The following CDYL variants were observed in gnomAD, a reference collection of about 807,000 sequenced individuals.
CDYL encodes the protein chromodomain Y like.
In CDYL, 8 loss-of-function variants were observed where a neutral mutation model predicts 47.3. The observed-to-expected ratio is 0.17, with a 90% CI of 0.10 to 0.31. The LOEUF is 0.31. CDYL is among the 10% of genes least tolerant of loss of function. CDYL has a pLI of 1.00. For synonymous variants in CDYL, 266 were observed against 265.0 expected, an observed-to-expected ratio of 1.00 and a Z score of -0.04; for missense variants, 471 against 701.4, an observed-to-expected ratio of 0.67 and a Z score of 3.71.
At chr6:4,805,224 C>T (rs749029391) in intron 1 of CDYL, among the ~76,000 whole-genome samples, 6 of 152,106 alleles carry the variant, frequency 3.9e-5, no homozygotes, top group Non-Finnish European at 5.9e-5. Flanking sequence ...ACTTTTAGAA[C>T]CAAACATGGG....
rs79371427 is a variant in CDYL, at chr6:4,884,907, C to T, written c.25-6806C>T. On this transcript the variant is annotated intron_variant, in intron 1 of 6. Transcript: ENST00000397588. ...AGGAAAAGCGGTAGTCCCCGTTTAC[C>T]CTTTAAGCTTTCACTTTCCACAGTT... 6.4e-3 allele frequency among the ~76,000 whole-genome samples: 975 copies of T among 152,278 alleles called. 15 individuals carry two copies. The highest frequency in any genetic ancestry group is 0.022 in the African/African-American group (931 of 41,560).
chr6:4,895,499 A>G (rs76266699), intron 2 of CDYL, among the ~76,000 whole-genome samples: 3,413 of 142,314 alleles, frequency 0.024, 979 homozygotes, highest in African/African-American at 0.093. Flanking sequence ...ACATGTATAC[A>G]TATATACGTA....
chr6:4,800,590 C>T (rs946440181), intron 1 of CDYL, among the ~76,000 whole-genome samples: 4 of 152,052 alleles, frequency 2.6e-5, no homozygotes, highest in Admixed American at 6.6e-5. Flanking sequence ...GACTAGAGAT[C>T]TTTCTTTAGC....
At chr6:4,892,460 G>T (rs1234077568) in intron 2 of CDYL, 81 bp downstream of exon 2, 27 of 1,437,312 alleles carry the variant, frequency 1.9e-5, no homozygotes, top group Non-Finnish European at 2.5e-5. Context: ...GCCTTGAGCT[G>T]GGCAGAGTCC....
At chr6:4,938,045 A>T (rs1034264853) in intron 4 of CDYL, among the ~76,000 whole-genome samples, 2 of 152,234 alleles carry the variant, frequency 1.3e-5, no homozygotes, top group Non-Finnish European at 2.9e-5. Context: ...ATTAGAGTAG[A>T]TGATCATGGG....
At chr6:4,847,946 A>C (rs1312827494) in intron 1 of CDYL, among the ~76,000 whole-genome samples, 1 of 152,198 alleles carries the variant, frequency 6.6e-6, no homozygotes, top group Admixed American at 6.5e-5. Flanking sequence ...GGTTAGAAAA[A>C]AGATGTGCGA....
chr6:4,857,396 T>C (rs962402437), intron 1 of CDYL, among the ~76,000 whole-genome samples: 6 of 152,246 alleles, frequency 3.9e-5, no homozygotes, highest in South Asian at 2.1e-4. Context: ...TTAAGGGTAG[T>C]TGCAAATGTT....
intron 2 of CDYL, among the ~76,000 whole-genome samples, chr6:4,727,735 T>A (rs1056447019): frequency 6.6e-6 from 1 of 152,142 alleles, no homozygotes; most frequent in African/African-American, 2.4e-5. Context: ...TGGGGTGGGA[T>A]GCCACCGTGA....
intron 1 of CDYL, among the ~76,000 whole-genome samples, chr6:4,833,310 CT>C (rs1458142022): frequency 6.7e-6 from 1 of 149,584 alleles, no homozygotes; most frequent in Non-Finnish European, 1.5e-5. Context: ...ATCTTTATTT[CT>C]GCCTTCATTT....
At chr6:4,946,390 G>T (rs1758516704) in intron 5 of CDYL, among the ~76,000 whole-genome samples, 2 of 152,126 alleles carry the variant, frequency 1.3e-5, no homozygotes. Flanking sequence ...TCTGCCCCCA[G>T]TGGGGGCATT....
chr6:4,874,064 AT>A (rs2127474569), intron 1 of CDYL, among the ~76,000 whole-genome samples: 1 of 152,204 alleles, frequency 6.6e-6, no homozygotes, highest in Non-Finnish European at 1.5e-5. Context: ...GCCCTCTAAA[AT>A]TCTTCCCACT....
At chr6:4,864,074 G>T (rs1233339839) in intron 1 of CDYL, among the ~76,000 whole-genome samples, 1 of 152,162 alleles carries the variant, frequency 6.6e-6, no homozygotes, top group African/African-American at 2.4e-5. Context: ...ACTGACTATG[G>T]ATTTCCACAG....
chr6:4,838,738 G>A (rs985856954), intron 1 of CDYL, among the ~76,000 whole-genome samples: 7 of 151,982 alleles, frequency 4.6e-5, no homozygotes, highest in African/African-American at 1.7e-4. Context: ...CCAGGCTGGG[G>A]TGCAGTGGTG....
intron 3 of CDYL, among the ~76,000 whole-genome samples, chr6:4,740,098 A>T (rs1757770683): frequency 6.6e-6 from 1 of 152,236 alleles, no homozygotes; most frequent in South Asian, 2.1e-4. Context: ...TGAAATTACG[A>T]AGGAGAGTGT....
chr6:4,731,732 G>GAGGTTGCAGTGAGCCGAGATGC (rs996787003), intron 2 of CDYL, among the ~76,000 whole-genome samples: 2 of 152,074 alleles, frequency 1.3e-5, no homozygotes, highest in Admixed American at 1.3e-4. Context: ...CCCAGAGGCA[G>GAGGTTGCAGTGAGCCGAGATGC]AGGTTGCAGT....
chr6:4,762,939 A>G (rs986331914), intron 3 of CDYL, among the ~76,000 whole-genome samples: 2 of 152,154 alleles, frequency 1.3e-5, no homozygotes, highest in Non-Finnish European at 2.9e-5. Flanking sequence ...TATAAATCCT[A>G]GGAAACCCAA....
chr6:4,921,144 G>A (rs944240922), intron 2 of CDYL, among the ~76,000 whole-genome samples: 1 of 152,210 alleles, frequency 6.6e-6, no homozygotes, highest in African/African-American at 2.4e-5. Context: ...GGGTAGGTGG[G>A]TAGATAGATA....
At chr6:4,737,478 C>T (rs1255298181) in intron 3 of CDYL, among the ~76,000 whole-genome samples, 1 of 151,114 alleles carries the variant, frequency 6.6e-6, no homozygotes, top group Admixed American at 6.6e-5. Context: ...CATGGTGAAA[C>T]CCCGTGTCTA....
At chr6:4,779,872 C>T (rs552778216) in intron 1 of CDYL, among the ~76,000 whole-genome samples, 4 of 152,112 alleles carry the variant, frequency 2.6e-5, no homozygotes, top group Admixed American at 6.5e-5. Flanking sequence ...TATGAATGTG[C>T]GCTGTGTCTC....
Sources: allele counts gnomAD v4.1 joint callset (sites outside exome capture counted in the v4.1 genomes callset), GRCh38; gene constraint gnomAD v4.1.1; transcripts MANE v1.5; gene names NCBI Gene and HGNC (gene_info 2026-07-23, HGNC 2026-07-21).